Variants in CCNH observed in about 807,000 individuals in gnomAD.
CCNH encodes cyclin H.
A neutral mutation model predicts 41.9 loss-of-function variants in CCNH; 31 were observed. That is an observed-to-expected ratio of 0.74 (90% CI 0.56 to 1.00). The LOEUF (loss-of-function observed/expected upper bound fraction) is 1.00. Among genes scored for constraint, CCNH ranks in the 50% least tolerant of loss-of-function variants. The pLI, the probability that CCNH is intolerant of heterozygous loss-of-function variation, is 0.00. For missense variants in CCNH, 362 were observed against 388.4 expected (o/e 0.93, Z 0.57); for synonymous variants, 138 against 136.1 (o/e 1.01, Z -0.10).
chr5:87,407,127 T>C (rs2112574679), intron 4 of CCNH, among the ~76,000 whole-genome samples: 2 of 152,306 alleles, frequency 1.3e-5, no homozygotes, highest in South Asian at 2.1e-4. Context: ...AAGTCTCTGA[T>C]TGGAATGTTC....
At chr5:87,363,480 T>C in intron 9 of CCNH, 3 of 1,612,502 alleles carry the variant, frequency 1.9e-6, no homozygotes, top group Non-Finnish European at 2.5e-6. Flanking sequence ...TCTGTCTATG[T>C]CGTTCATGAT....
chr5:87,360,546 A>G (rs1403953117), intron 9 of CCNH, among the ~76,000 whole-genome samples: 1 of 152,228 alleles, frequency 6.6e-6, no homozygotes, highest in Non-Finnish European at 1.5e-5. Context: ...AGAGTGATCA[A>G]TCCAGTGAAT....
At chr5:87,314,463 C>T (rs1756165581), downstream of CCNH, among the ~76,000 whole-genome samples, 1 of 152,084 alleles carries the variant, frequency 6.6e-6, no homozygotes, top group Non-Finnish European at 1.5e-5. Context: ...AAGGAAATGA[C>T]AGGATGGAAG....
At chr5:87,343,240 A>G (rs546727332) in intron 9 of CCNH, among the ~76,000 whole-genome samples, 16 of 152,276 alleles carry the variant, frequency 1.1e-4, no homozygotes, top group African/African-American at 3.6e-4. Context: ...TGATGACTTT[A>G]TCTCTTAAAG....
chr5:87,332,485 G>T (rs765878106), intron 9 of CCNH: 2 of 1,593,792 alleles, frequency 1.3e-6, no homozygotes, highest in Non-Finnish European at 1.7e-6. Flanking sequence ...TTTTTATACT[G>T]TATTTTTTCC....
In CCNH at chr5:87,354,559, C is replaced by T. The variant is rs574803452; in HGVS notation, c.*91-35662G>A. Among the ~76,000 whole-genome samples, 17 of 152,218 alleles carry T rather than the reference C, an allele frequency of 1.1e-4. No homozygotes were observed. The East Asian group carries it at 1.7e-3, about 16-fold the overall frequency. On this transcript the variant is annotated intron_variant and NMD_transcript_variant, in intron 9 of 9. Transcript: ENST00000645953. The stretch of plus-strand genomic sequence containing the variant: ...ACTGGCTGGTTCTGTTTCTCTTCCT[C>T]TCCTTGGGGCTTCCTATTTCTGCAG...
intron 9 of CCNH, chr5:87,353,079 C>G (rs956437950): frequency 1.7e-6 from 2 of 1,165,902 alleles, no homozygotes; most frequent in African/African-American, 3.1e-5. Context: ...TAATCCTTGG[C>G]AAGAAAGTTT....
chr5:87,317,857 A>AACTTT (rs931820958), downstream of CCNH, among the ~76,000 whole-genome samples: 9 of 151,992 alleles, frequency 5.9e-5, no homozygotes, highest in African/African-American at 2.2e-4. Context: ...GCTGGTCTTG[A>AACTTT]ACTCATGAGC....
chr5:87,347,388 T>C (rs1032814132), intron 9 of CCNH, among the ~76,000 whole-genome samples: 1 of 152,034 alleles, frequency 6.6e-6, no homozygotes, highest in Non-Finnish European at 1.5e-5. Flanking sequence ...TGTCATTGTT[T>C]ATTCTTACTA....
At chr5:87,405,430 A>G (rs1763720820) in intron 4 of CCNH, among the ~76,000 whole-genome samples, 1 of 152,198 alleles carries the variant, frequency 6.6e-6, no homozygotes, top group Non-Finnish European at 1.5e-5. Flanking sequence ...TCGAATTCCC[A>G]CAGAAAAAGT....
At chr5:87,378,143 A>G (rs1010511076), upstream of CCNH, among the ~76,000 whole-genome samples, 1 of 152,116 alleles carries the variant, frequency 6.6e-6, no homozygotes, top group African/African-American at 2.4e-5. Flanking sequence ...CTGAGTCTTC[A>G]TTTTTCCATA....
Position 87,338,523 on chromosome 5 carries a change from A to ATT in CCNH, c.*91-19627_*91-19626insAA. 2.0e-5 allele frequency among the ~76,000 whole-genome samples: 2 copies of ATT among 99,180 alleles called. 1 individual carries two copies. Among genetic ancestry groups the ATT allele is most frequent in the South Asian group, 7.0e-4 (2 of 2,876 alleles). 65.1% of individuals were successfully genotyped at this position (99,180 alleles called of 152,430 possible). Reference sequence around the variant, plus strand: ...ATTTTATATATATATATATATATATATATATATATAAAATTTTTTTTTTTT... The same window carrying ATT: ...ATTTTATATATATATATATATATATATTTATATATATAAAATTTTTTTTTTTT... On this transcript the variant is annotated intron_variant and NMD_transcript_variant, in intron 9 of 9. Coordinates refer to the CCNH transcript ENST00000645953.
chr5:87,399,818 A>T (rs971049187), intron 6 of CCNH, among the ~76,000 whole-genome samples: 1 of 152,206 alleles, frequency 6.6e-6, no homozygotes, highest in South Asian at 2.1e-4. Flanking sequence ...ACTTAAAAAA[A>T]AAATCCCTAA....
At chr5:87,407,585 T>C (rs1763894614) in intron 4 of CCNH, among the ~76,000 whole-genome samples, 1 of 152,212 alleles carries the variant, frequency 6.6e-6, no homozygotes, top group Non-Finnish European at 1.5e-5. Context: ...AGTTTAAGAA[T>C]TTTTTATGGT....
chr5:87,330,966 C>T, intron 9 of CCNH: 1 of 1,432,124 alleles, frequency 7.0e-7, no homozygotes, highest in Non-Finnish European at 9.1e-7. Flanking sequence ...AGTCATGGTT[C>T]CTCAGTATAA....
chr5:87,363,330 A>T (rs893038508), intron 9 of CCNH: 6 of 1,378,286 alleles, frequency 4.4e-6, no homozygotes, highest in Admixed American at 3.7e-5. Flanking sequence ...AGAGAAAACA[A>T]TTTTTTTTTT....
chr5:87,321,661 A>G (rs928118897), intron 9 of CCNH, among the ~76,000 whole-genome samples: 2 of 152,262 alleles, frequency 1.3e-5, no homozygotes, highest in African/African-American at 4.8e-5. Flanking sequence ...AGGGTCCCAA[A>G]TGTAGGAGCC....
chr5:87,411,388 G>A (rs750656544), intron 1 of CCNH, 42 bp from the exon 2 acceptor site: 13 of 1,553,266 alleles, frequency 8.4e-6, no homozygotes, highest in Non-Finnish European at 1.1e-5. Context: ...TGAATTCAAT[G>A]AATTAAACAA....
chr5:87,398,247 T>C (rs1353086824), intron 7 of CCNH, among the ~76,000 whole-genome samples: 3 of 152,308 alleles, frequency 2.0e-5, no homozygotes, highest in Middle Eastern at 6.8e-3. Flanking sequence ...TCCGTAGATA[T>C]TCCCCAACTA....
Sources: allele counts gnomAD v4.1 joint callset (sites outside exome capture counted in the v4.1 genomes callset), GRCh38; gene constraint gnomAD v4.1.1; transcripts MANE v1.5; gene names NCBI Gene and HGNC (gene_info 2026-07-23, HGNC 2026-07-21).